Variants in SLC30A5 observed in about 807,000 individuals in gnomAD.
The protein encoded by SLC30A5 is solute carrier family 30 member 5, also known as proton-coupled zinc antiporter SLC30A5.
In SLC30A5, 33 loss-of-function variants were observed where a neutral mutation model predicts 79.6. The ratio of observed to expected loss-of-function variants is 0.41; its 90% confidence interval spans 0.31 to 0.55. The LOEUF is 0.55. Among genes scored for constraint, SLC30A5 ranks in the 20% least tolerant of loss-of-function variants. The pLI, the probability that SLC30A5 is intolerant of heterozygous loss-of-function variation, is 0.20. For synonymous variants in SLC30A5, 299 were observed against 319.7 expected, an observed-to-expected ratio of 0.94 and a Z score of 0.69; for missense variants, 788 against 928.1, an observed-to-expected ratio of 0.85 and a Z score of 1.96.
intron 5 of SLC30A5, among the ~76,000 whole-genome samples, chr5:69,112,334 C>A (rs1484826665): frequency 6.6e-6 from 1 of 151,764 alleles, no homozygotes; most frequent in Non-Finnish European, 1.5e-5. Context: ...TTAGATTGCT[C>A]TTGAAGCTAC....
In SLC30A5 at chr5:69,129,503, G is replaced by A; in HGVS notation, c.2184G>A (p.Lys728=). The change falls in exon 16 of 16, where the codon AAG becomes AAA. Residue 728 remains lysine, a synonymous_variant. Coordinates refer to ENST00000396591, the MANE Select transcript of SLC30A5 (RefSeq NM_022902.5). ...ACAATTTAACAATTCAAGTGGAAAA[G>A]GAGGCATACTTTCAACATATGTCTG... ...GVNNLTIQVE[K]EAYFQHMSGL... The A allele has an allele frequency of 6.2e-7, 1 of 1,613,478 alleles. No homozygotes were observed. Among genetic ancestry groups the A allele is most frequent in the Non-Finnish European group, 8.5e-7 (1 of 1,179,784 alleles).
Position 69,095,936 on chromosome 5 carries a change from G to C in SLC30A5, c.83+1598G>C, listed in dbSNP as rs188316481. Among the ~76,000 whole-genome samples, 765 of 151,844 alleles carry C rather than the reference G, an allele frequency of 5.0e-3. 10 individuals are homozygous for C. Among genetic ancestry groups the C allele is most frequent in the African/African-American group, 0.017 (718 of 41,364 alleles). ...AAAAAAAAAAAATTAGTTGGACGTG[G>C]TATGCGCCTGTAATCCCAGCCACTC... On this transcript the variant is annotated intron_variant, in intron 1 of 15. Transcript: ENST00000396591.
chr5:69,127,775 G>C (rs1440414108), intron 14 of SLC30A5, among the ~76,000 whole-genome samples: 1 of 152,132 alleles, frequency 6.6e-6, no homozygotes, highest in African/African-American at 2.4e-5. Flanking sequence ...AAATAGATCA[G>C]AATATTTTAG....
At position 69,116,511 on chromosome 5, in the gene SLC30A5, A is replaced by G. The variant is rs375685869; in HGVS notation, c.1190A>G (p.Gln397Arg). The G allele has an allele frequency of 4.0e-5, 64 of 1,612,486 alleles. No individual in the cohort carries two copies. Among genetic ancestry groups the G allele is most frequent in the Non-Finnish European group, 5.2e-5 (61 of 1,179,438 alleles). Residue 397 changes from glutamine to arginine, a missense_variant, in exon 10 of 16, where the codon CAA becomes CGA. Physicochemically the swap from Gln to Arg is conservative, Grantham distance 43. This residue lies in a region of SLC30A5 where 626 missense variants were observed against 755.5 expected (regional missense o/e 0.83). Transcript: ENST00000396591. This position sits in a 1 kb window ranked among gnomAD's most constrained non-coding sequence, Gnocchi z 4.0. ...FMGDAFQHSS[Q>R]SIPRFIKESL... is the part of the protein sequence containing the mutation. ...GGTGATGCTTTTCAGCATAGCTCTC[A>G]ATCGATCCCTAGGTTTATTAAGGAA...
chr5:69,108,821 CAA>C (rs5868569), intron 5 of SLC30A5, among the ~76,000 whole-genome samples: 1,452 of 99,030 alleles, frequency 0.015, 17 homozygotes, highest in African/African-American at 0.051. Context: ...GACTCAGCCT[CAA>C]AAAAAAAAAA....
intron 4 of SLC30A5, among the ~76,000 whole-genome samples, chr5:69,106,758 A>G (rs1313596097): frequency 6.6e-6 from 1 of 152,030 alleles, no homozygotes; most frequent in Non-Finnish European, 1.5e-5. Context: ...AGCATACTTT[A>G]CTCTTTTGTA....
chr5:69,107,720 A>G (rs1746118879), intron 4 of SLC30A5, among the ~76,000 whole-genome samples: 1 of 151,210 alleles, frequency 6.6e-6, no homozygotes, highest in Admixed American at 6.6e-5. Context: ...GCACATGGGT[A>G]TATGTTGCCT....
chr5:69,124,919 C>T (rs887155115), intron 14 of SLC30A5, among the ~76,000 whole-genome samples: 1 of 152,062 alleles, frequency 6.6e-6, no homozygotes, highest in Non-Finnish European at 1.5e-5. Context: ...TTTTAATATA[C>T]TTGAAACCAG....
In SLC30A5 at chr5:69,115,959, C is replaced by T. The variant is rs150964170; in HGVS notation, c.817C>T (p.Pro273Ser). The T allele has an allele frequency of 6.2e-7, 1 of 1,613,114 alleles. No individual in the cohort carries two copies. Among genetic ancestry groups the T allele is most frequent in the East Asian group, 2.2e-5 (1 of 44,858 alleles). Residue 273 changes from proline (P) to serine (S), a missense_variant, in exon 9 of 16, where the codon CCT (proline) becomes TCT (serine). Coordinates refer to ENST00000396591, the MANE Select transcript of SLC30A5 (RefSeq NM_022902.5). The part of the protein sequence containing the change: ...KVESWFSLIM[P>S]FATVIFFVMI... ...GGAGTCTTGGTTTTCTCTCATTATG[C>T]CTTTTGCAACGGTTATCTTTTTTGT...
rs1161867188 is a variant in SLC30A5 at position 69,100,822 on chromosome 5, T to C, written c.99T>C (p.Ile33=). Residue 33 remains isoleucine, a synonymous_variant, in exon 2 of 16, where the codon ATT becomes ATC. Transcript: ENST00000396591. ...TATTTTTCAGATTAACAAAATATAT[T>C]GTGTTACTATGTTTCACTAAATTTT... ...DVPSARLTKY[I]VLLCFTKFLK... is the part of the protein sequence containing the mutation. 1 of 1,598,308 alleles carries C rather than the reference T, an allele frequency of 6.3e-7. No individual in the cohort carries two copies. Among genetic ancestry groups the C allele is most frequent in the Middle Eastern group, 1.8e-4 (1 of 5,530 alleles).
chr5:69,128,148 T>A lies in SLC30A5; in HGVS notation c.2127+16T>A, dbSNP rs1186020765. ...AGTACAGCAGGTAATCTTTTGTTTT[T>A]AAAGTAATTTTAATTGAGGTCATTC... On this transcript the variant is annotated intron_variant, in intron 15 of 15. Transcript: ENST00000396591. 1 of 1,596,608 alleles carries A rather than the reference T, an allele frequency of 6.3e-7. No individual in the cohort carries two copies. Among genetic ancestry groups the A allele is most frequent in the East Asian group, 2.3e-5 (1 of 44,378 alleles).
At position 69,113,299 on chromosome 5, in the gene SLC30A5, G is replaced by T. The variant is rs1308075870; in HGVS notation, c.535+72G>T. On this transcript the variant is annotated intron_variant, in intron 6 of 15. Transcript: ENST00000396591. ...CTAGAAGCCTGGAACAATGGAAAAA[G>T]AAAGGATAAGTGAATTAAACTGATC... 7.9e-6 allele frequency: 9 copies of T among 1,135,178 alleles called. No individual in the cohort carries two copies. In the Admixed American group the frequency reaches 2.0e-4, roughly 25 times the overall value. 70.3% of individuals were successfully genotyped at this position (1,135,178 alleles called of 1,614,324 possible).
chr5:69,121,577 C>T (rs2111990539), intron 12 of SLC30A5, 117 bp from the exon 13 acceptor site: 1 of 699,232 alleles, frequency 1.4e-6, no homozygotes, highest in Non-Finnish European at 2.3e-6. Flanking sequence ...TAAGGTTTTA[C>T]TGTGAATACT....
intron 15 of SLC30A5, among the ~76,000 whole-genome samples, chr5:69,129,209 G>A (rs570131261): frequency 6.6e-5 from 10 of 151,962 alleles, no homozygotes; most frequent in Middle Eastern, 3.4e-3. Flanking sequence ...TTTAATACTC[G>A]CATTACGCTT....
chr5:69,129,492 C>T lies in SLC30A5; in HGVS notation c.2173C>T (p.Gln725Ter). The part of the protein sequence containing the change: ...KDAGVNNLTI[Q>*]VEKEAYFQHM... ...TGCTGGAGTAAACAATTTAACAATT[C>T]AAGTGGAAAAGGAGGCATACTTTCA... Residue 725 changes from glutamine to a stop codon, truncating the protein, a stop_gained, in exon 16 of 16, where the codon CAA becomes TAA. Coordinates refer to ENST00000396591, the MANE Select transcript of SLC30A5 (RefSeq NM_022902.5). LOFTEE classifies it high-confidence loss of function. 1 of 1,613,182 alleles carries T rather than the reference C, an allele frequency of 6.2e-7. No homozygotes were observed. The highest frequency in any genetic ancestry group is 1.1e-5 in the South Asian group (1 of 90,992).
At chr5:69,108,227 T>G in intron 4 of SLC30A5, 122 bp from the exon 5 acceptor site, 1 of 733,808 alleles carries the variant, frequency 1.4e-6, no homozygotes, top group Non-Finnish European at 2.2e-6. Flanking sequence ...TGTACCTATT[T>G]ATTTTTCTTA....
In SLC30A5 at chr5:69,100,937, TGG is replaced by T; in HGVS notation, c.206+16_206+17del. ...TTTTATATTAAAACTTGGGTGAGTG[TGG>T]GGGGGGGTTTTTTCTTGATATTTTT... On this transcript the variant is annotated intron_variant, in intron 2 of 15. Transcript: ENST00000396591. 4.2e-6 allele frequency: 6 copies of T among 1,414,574 alleles called. No individual in the cohort carries two copies. The highest frequency in any genetic ancestry group is 1.4e-5 in the South Asian group (1 of 72,692). 87.6% of individuals were successfully genotyped at this position (1,414,574 alleles called of 1,614,324 possible). A position where few individuals can be genotyped will look rare whatever the true frequency, so the allele number is the denominator to read the frequency against.
At chr5:69,103,208 G>A (rs1745982644) in intron 3 of SLC30A5, 80 bp downstream of exon 3, 3 of 697,614 alleles carry the variant, frequency 4.3e-6, no homozygotes, top group African/African-American at 1.8e-5. Flanking sequence ...TTTTATAATG[G>A]GTACTTAATG....
At position 69,115,839 on chromosome 5, in the gene SLC30A5, AT is replaced by A. The variant is rs1332796581; in HGVS notation, c.784-80del. ...AATCATATTGAATCATGCGATTTTT[AT>A]TTTTTTAAAAGATTAACAGAAACAT... On this transcript the variant is annotated intron_variant, in intron 8 of 15. Coordinates refer to ENST00000396591, the MANE Select transcript of SLC30A5 (RefSeq NM_022902.5). 7 of 1,152,334 alleles carry A rather than the reference AT, an allele frequency of 6.1e-6. 1 individual carries two copies. The Admixed American group carries it at 1.6e-4, about 27-fold the overall frequency. The allele number at this position is 1,152,334 out of a possible 1,614,324, so 71.4% of individuals were successfully genotyped here.
Sources: gnomAD v4.1 joint callset for allele counts (sites outside exome capture counted in the v4.1 genomes callset) on GRCh38, gnomAD v4.1.1 for gene constraint, gnomAD v4.1.1 regional missense constraint, Gnocchi (gnomAD v3.1) non-coding constraint, MANE v1.5 for transcripts, NCBI Gene and HGNC (gene_info 2026-07-23, HGNC 2026-07-21) for gene names.